Variants in LIMD1 observed in about 807,000 individuals in gnomAD.
The protein encoded by LIMD1 is LIM domain containing 1.
Under a neutral mutation model 58.4 loss-of-function variants are expected in LIMD1, and 23 were observed. The ratio of observed to expected loss-of-function variants is 0.39; its 90% CI spans 0.28 to 0.56. The LOEUF (loss-of-function observed/expected upper bound fraction) is 0.56. Ranked by LOEUF, LIMD1 falls within the 20% of genes least tolerant of loss-of-function variation. LIMD1 has a pLI of 0.57. For missense variants in LIMD1, 838 were observed against 855.5 expected (o/e 0.98, Z 0.25); for synonymous variants, 334 against 345.5 (o/e 0.97, Z 0.37).
intron 3 of LIMD1, among the ~76,000 whole-genome samples, chr3:45,667,561 G>A (rs1559525876): frequency 1.3e-5 from 2 of 149,882 alleles, no homozygotes; most frequent in African/African-American, 4.9e-5. Context: ...CATCTAGTAT[G>A]TTTTTTGAAG....
intron 3 of LIMD1, among the ~76,000 whole-genome samples, chr3:45,666,630 T>A (rs1697523087): frequency 6.6e-6 from 1 of 152,130 alleles, no homozygotes; most frequent in African/African-American, 2.4e-5. Flanking sequence ...GGAGGAGCTC[T>A]TCTGTGCTGC....
chr3:45,651,000 T>C (rs764325618), intron 2 of LIMD1, among the ~76,000 whole-genome samples: 2 of 131,622 alleles, frequency 1.5e-5, no homozygotes, highest in African/African-American at 6.0e-5. Context: ...CAGCGTCTGT[T>C]GTTTCCTGAC....
At chr3:45,611,739 A>C (rs1434940119) in intron 1 of LIMD1, among the ~76,000 whole-genome samples, 1 of 150,090 alleles carries the variant, frequency 6.7e-6, no homozygotes, top group Non-Finnish European at 1.5e-5. Context: ...GCTTGTCCTG[A>C]CATCACTGAG....
chr3:45,665,979 T>A (rs1420116840), intron 3 of LIMD1, among the ~76,000 whole-genome samples: 1 of 152,184 alleles, frequency 6.6e-6, no homozygotes, highest in Non-Finnish European at 1.5e-5. Flanking sequence ...CACCCTGGAC[T>A]CCTCCTCTTA....
rs1226054906 is a variant in LIMD1, at chr3:45,665,793, C to T, written c.1578+76C>T. 3 of 1,262,692 alleles carry T rather than the reference C, an allele frequency of 2.4e-6. No homozygotes were observed. The African/African-American group carries it at 4.5e-5, about 19-fold the overall frequency. 78.2% of individuals were successfully genotyped at this position (1,262,692 alleles called of 1,614,324 possible). On this transcript the variant is annotated intron_variant, in intron 3 of 7. Transcript: ENST00000273317. Reference sequence around the variant, plus strand: ...GGCAGGGGCCTGGGGGGACCTGGGCCAGCGTGTAGGGAAGCTGCACTGCTG... The same window carrying T: ...GGCAGGGGCCTGGGGGGACCTGGGCTAGCGTGTAGGGAAGCTGCACTGCTG...
chr3:45,626,322 A>C (rs1204638998), intron 1 of LIMD1, among the ~76,000 whole-genome samples: 10 of 152,216 alleles, frequency 6.6e-5, no homozygotes, highest in African/African-American at 2.4e-4. Context: ...CATAATGACA[A>C]AATTTGGCAA....
At chr3:45,658,823 A>G (rs1964416) in intron 2 of LIMD1, among the ~76,000 whole-genome samples, 123,003 of 151,838 alleles carry the variant, frequency 0.81, 50,207 homozygotes, top group African/African-American at 0.91. Context: ...TCAAAGTGCT[A>G]GGATTACAGG....
chr3:45,624,426 G>A (rs113507879), intron 1 of LIMD1, among the ~76,000 whole-genome samples: 12 of 152,200 alleles, frequency 7.9e-5, no homozygotes, highest in African/African-American at 2.6e-4. Flanking sequence ...GCTTTCCATC[G>A]GCCAGGCGCG....
intron 1 of LIMD1, among the ~76,000 whole-genome samples, chr3:45,624,876 T>C (rs2125655095): frequency 6.8e-6 from 1 of 147,980 alleles, no homozygotes; most frequent in African/African-American, 2.5e-5. Flanking sequence ...TGCTCTGCTA[T>C]CTTCCTTTTT....
intron 6 of LIMD1, chr3:45,673,934 G>A (rs1201215461): frequency 8.2e-5 from 21 of 256,088 alleles, no homozygotes; most frequent in Non-Finnish European, 1.1e-4. Context: ...GAGATAAGTC[G>A]TGTCTTCACC....
chr3:45,610,059 G>A (rs759431700), intron 1 of LIMD1, among the ~76,000 whole-genome samples: 4 of 152,188 alleles, frequency 2.6e-5, no homozygotes, highest in Non-Finnish European at 5.9e-5. Context: ...AGGCATGATG[G>A]CGCGCGCCTG....
chr3:45,681,640 ATGGGCAGT>A lies in LIMD1; in HGVS notation c.*4582_*4589del, dbSNP rs1283293543. 1 of 152,234 alleles carries A rather than the reference ATGGGCAGT, an allele frequency of 6.6e-6. No individual in the cohort carries two copies. Among genetic ancestry groups the A allele is most frequent in the Non-Finnish European group, 1.5e-5 (1 of 68,042 alleles). 9.4% of individuals were successfully genotyped at this position (152,234 alleles called of 1,614,324 possible). On this transcript the variant is annotated 3_prime_UTR_variant, in exon 8 of 8. Transcript: ENST00000273317. ...GCTTAGGGGACCCTGGTATTTGATA[ATGGGCAGT>A]AAGCCTGCCTGACTTTTGCTCCAGA...
At chr3:45,652,249 G>C (rs1701982315) in intron 2 of LIMD1, among the ~76,000 whole-genome samples, 1 of 152,168 alleles carries the variant, frequency 6.6e-6, no homozygotes, top group Non-Finnish European at 1.5e-5. Flanking sequence ...GTTTATCTCA[G>C]ACATTTTGGT....
chr3:45,630,978 C>T (rs991819113), intron 1 of LIMD1, among the ~76,000 whole-genome samples: 3 of 152,028 alleles, frequency 2.0e-5, no homozygotes, highest in Admixed American at 6.5e-5. Flanking sequence ...CCGAGGCGGG[C>T]GGATCACCTG....
At chr3:45,650,107 GGGACT>G (rs1006196210) in intron 2 of LIMD1, among the ~76,000 whole-genome samples, 10 of 151,702 alleles carry the variant, frequency 6.6e-5, no homozygotes, top group Non-Finnish European at 1.5e-4. Context: ...CCATCCACTA[GGGACT>G]CCAATTACTC....
intron 2 of LIMD1, among the ~76,000 whole-genome samples, chr3:45,659,593 C>CAT (rs996852020): frequency 2.9e-5 from 4 of 139,786 alleles, no homozygotes; most frequent in African/African-American, 5.6e-5. Context: ...AAACCCCAAA[C>CAT]ATATATATAT....
At chr3:45,602,609 C>A (rs1211406031) in intron 1 of LIMD1, among the ~76,000 whole-genome samples, 1 of 152,190 alleles carries the variant, frequency 6.6e-6, no homozygotes, top group Non-Finnish European at 1.5e-5. Context: ...CTGAGAATGG[C>A]CCTGCCCTGA....
chr3:45,595,214 G>T lies in LIMD1; in HGVS notation c.335G>T (p.Gly112Val), dbSNP rs1398470532. 1 of 1,601,488 alleles carries T rather than the reference G, an allele frequency of 6.2e-7. No homozygotes were observed. Among genetic ancestry groups the T allele is most frequent in the East Asian group, 2.2e-5 (1 of 44,682 alleles). The change falls in exon 1 of 8, where the codon GGG (glycine) becomes GTG (valine). Residue 112 changes from glycine (G) to valine (V), a missense_variant. Around this residue, in one of 3 missense-constraint regions of LIMD1, gnomAD observed 659 missense variants for 639.8 expected, o/e 1.03. Transcript: ENST00000273317. ...AAKPPLAASTGAPGAVTTLAA... is the reference protein window; with the variant it reads ...AAKPPLAASTVAPGAVTTLAA... ...AAGCCTCCTCTTGCTGCCTCGACAG[G>T]GGCACCTGGGGCAGTCACCACCCTC...
At chr3:45,674,884 C>T (rs1423929631) in intron 7 of LIMD1, among the ~76,000 whole-genome samples, 4 of 152,152 alleles carry the variant, frequency 2.6e-5, no homozygotes, top group East Asian at 1.9e-4. Context: ...GGGTGGGGTC[C>T]GCCTGCCCCT....
Sources: gnomAD v4.1 joint callset for allele counts (sites outside exome capture counted in the v4.1 genomes callset) on GRCh38, gnomAD v4.1.1 for gene constraint, gnomAD v4.1.1 regional missense constraint, MANE v1.5 for transcripts, NCBI Gene and HGNC (gene_info 2026-07-23, HGNC 2026-07-21) for gene names.